The following DBX2 variants were observed in gnomAD, a reference collection of about 807,000 sequenced individuals.
DBX2 encodes the protein developing brain homeobox 2.
A neutral mutation model predicts 17.7 loss-of-function variants in DBX2; 16 were observed. The ratio of observed to expected loss-of-function variants is 0.90; its 90% confidence interval spans 0.61 to 1.37. DBX2 has a LOEUF of 1.37. DBX2 is among the 40% of genes most tolerant of loss of function. The pLI is 0.00. For missense variants in DBX2, 538 were observed against 433.8 expected (o/e 1.24, Z -2.13); for synonymous variants, 255 against 183.8 (o/e 1.39, Z -3.13).
At chr12:45,037,829 A>G (rs1363542546) in intron 1 of DBX2, among the ~76,000 whole-genome samples, 1 of 152,132 alleles carries the variant, frequency 6.6e-6, no homozygotes, top group African/African-American at 2.4e-5. Flanking sequence ...TTCCTAGCAC[A>G]CAATGGGAAG....
chr12:45,041,247 A>G (rs144040396), intron 1 of DBX2, among the ~76,000 whole-genome samples: 4 of 150,936 alleles, frequency 2.7e-5, no homozygotes, highest in African/African-American at 9.7e-5. Flanking sequence ...AATGACAGGG[A>G]AGTAAATAAT....
At chr12:45,018,230 A>C (rs527775514) in intron 3 of DBX2, among the ~76,000 whole-genome samples, 9 of 152,156 alleles carry the variant, frequency 5.9e-5, no homozygotes, top group Non-Finnish European at 1.2e-4. Context: ...TCACTGAGAC[A>C]GTTTTTTGTT....
At chr12:45,021,370 G>A (rs373469724) in intron 3 of DBX2, among the ~76,000 whole-genome samples, 16 of 152,268 alleles carry the variant, frequency 1.1e-4, no homozygotes, top group African/African-American at 3.6e-4. Context: ...TTAGGCAGGA[G>A]GAGAGATTGT....
chr12:45,050,747 C>A lies in DBX2; in HGVS notation c.181G>T (p.Asp61Tyr). ...GCGGTGGCCAGGGCGGTCGCCGGGT[C>A]GTGGGGCGCGGGCGGCTGCAGCCTG... ...TPRLQPPAPHDPATALATAGA... is the reference protein window; with the variant it reads ...TPRLQPPAPHYPATALATAGA... Residue 61 changes from aspartate (D) to tyrosine (Y), a missense_variant, in exon 1 of 4, where the codon GAC becomes TAC. Physicochemically the swap from Asp to Tyr is radical, Grantham distance 160. Transcript: ENST00000332700. The A allele has an allele frequency of 1.3e-6, 2 of 1,500,370 alleles. No homozygotes were observed. The highest frequency in any genetic ancestry group is 1.8e-6 in the Non-Finnish European group (2 of 1,125,962). The allele number at this position is 1,500,370 out of a possible 1,614,324, so 92.9% of individuals were successfully genotyped here. A position where few individuals can be genotyped will look rare whatever the true frequency, so the allele number is the denominator to read the frequency against.
chr12:45,023,581 T>C (rs969943554), intron 3 of DBX2, 126 bp downstream of exon 3: 9 of 1,097,936 alleles, frequency 8.2e-6, no homozygotes, highest in Middle Eastern at 3.1e-4. Context: ...GCTAAATAAA[T>C]GGATTCCATT....
intron 2 of DBX2, among the ~76,000 whole-genome samples, chr12:45,028,497 G>A (rs1565582388): frequency 6.6e-6 from 1 of 152,024 alleles, no homozygotes; most frequent in Non-Finnish European, 1.5e-5. Context: ...AAATAAAATA[G>A]CGGGGAAATA....
Position 45,014,796 on chromosome 12 carries a change from C to T in DBX2, c.*1490G>A, listed in dbSNP as rs1946314094. On this transcript the variant is annotated 3_prime_UTR_variant, in exon 4 of 4. Coordinates refer to ENST00000332700, the MANE Select transcript of DBX2 (RefSeq NM_001004329.3). ...AGTAAAAGATCATGTGGTAAAGACA[C>T]AGGTTGACATACCAAGTCCAATTCT... 4 of 152,156 alleles carry T rather than the reference C, an allele frequency of 2.6e-5. No individual in the cohort carries two copies. The highest frequency in any genetic ancestry group is 2.6e-4 in the Admixed American group (4 of 15,270). The allele number at this position is 152,156 out of a possible 1,614,324, so 9.4% of individuals were successfully genotyped here.
chr12:45,029,879 A>AAT (rs765850309), intron 2 of DBX2, among the ~76,000 whole-genome samples: 45 of 143,232 alleles, frequency 3.1e-4, no homozygotes, highest in Middle Eastern at 3.6e-3. Context: ...AAAAATAATA[A>AAT]AAATAAATAA....
At chr12:45,035,146 A>G (rs549037011) in intron 2 of DBX2, among the ~76,000 whole-genome samples, 39 of 152,378 alleles carry the variant, frequency 2.6e-4, no homozygotes, top group Non-Finnish European at 4.3e-4. Context: ...ACACATGCAC[A>G]GAGGCAGCAG....
At chr12:45,030,089 A>G (rs908249068) in intron 2 of DBX2, among the ~76,000 whole-genome samples, 3 of 151,902 alleles carry the variant, frequency 2.0e-5, no homozygotes, top group Middle Eastern at 3.2e-3. Context: ...TGTTCATGAT[A>G]TTGTTAAGGA....
At position 45,050,667 on chromosome 12, in the gene DBX2, G is replaced by A. The variant is rs1344795619; in HGVS notation, c.261C>T (p.Pro87=). ...CGGCGGGGCTAACTTGTTCGGCTGC[G>A]GGGCACAGCTTTAGGGGAACTGGGC... is the stretch of plus-strand genomic sequence containing the variant. ...PASPVPLKLC[P]AAEQVSPAGA... The change falls in exon 1 of 4, where the codon CCC becomes CCT. Residue 87 remains proline, a synonymous_variant. Coordinates refer to ENST00000332700, the MANE Select transcript of DBX2 (RefSeq NM_001004329.3). The A allele has an allele frequency of 1.9e-6, 3 of 1,548,828 alleles. No individual in the cohort carries two copies. Among genetic ancestry groups the A allele is most frequent in the Non-Finnish European group, 2.6e-6 (3 of 1,146,490 alleles).
At position 45,014,736 on chromosome 12, in the gene DBX2, T is replaced by C. The variant is rs1946313846; in HGVS notation, c.*1550A>G. On this transcript the variant is annotated 3_prime_UTR_variant, in exon 4 of 4. Transcript: ENST00000332700. ...AGATCCCTGCTCCCATTCCCCACAA[T>C]GAGGCACTGAGACACACTTCTAAAA... The C allele has an allele frequency of 6.6e-6, 1 of 152,178 alleles. No individual in the cohort carries two copies. Among genetic ancestry groups the C allele is most frequent in the African/African-American group, 2.4e-5 (1 of 41,454 alleles). The allele number at this position is 152,178 out of a possible 1,614,324, so 9.4% of individuals were successfully genotyped here.
intron 1 of DBX2, 83 bp downstream of exon 1, chr12:45,050,442 G>C (rs1422197770): frequency 4.7e-6 from 7 of 1,492,424 alleles, no homozygotes; most frequent in Non-Finnish European, 6.2e-6. Flanking sequence ...GGCGCAGTGC[G>C]CACCGCCGGC....
rs188861450 is a variant in DBX2 at position 45,049,519 on chromosome 12, T to A, written c.403+1006A>T. 1.7e-3 allele frequency among the ~76,000 whole-genome samples: 262 copies of A among 152,298 alleles called. 2 individuals are homozygous for A. The highest frequency in any genetic ancestry group is 6.2e-4 in the Non-Finnish European group (42 of 68,014). On this transcript the variant is annotated intron_variant, in intron 1 of 3. Transcript: ENST00000332700. ...AAGACCAAGACAGGTTCTAAACATG[T>A]TAAATTCTATAAAGCCATTAGCAAT...
At chr12:45,026,421 T>C (rs960437224) in intron 2 of DBX2, among the ~76,000 whole-genome samples, 5 of 152,234 alleles carry the variant, frequency 3.3e-5, no homozygotes, top group African/African-American at 1.2e-4. Flanking sequence ...ACATTGAATC[T>C]ATGGCATGAA....
chr12:45,028,647 C>T (rs1946393916), intron 2 of DBX2, among the ~76,000 whole-genome samples: 1 of 152,108 alleles, frequency 6.6e-6, no homozygotes, highest in Non-Finnish European at 1.5e-5. Context: ...TATACATTAA[C>T]ATTTGGGGCA....
chr12:45,036,576 T>A (rs1592756435), intron 1 of DBX2, among the ~76,000 whole-genome samples: 1 of 152,200 alleles, frequency 6.6e-6, no homozygotes, highest in East Asian at 1.9e-4. Flanking sequence ...TATATTTAAA[T>A]AGACTCATAC....
rs1216477899 is a variant in DBX2 at position 45,050,814 on chromosome 12, G to A, written c.114C>T (p.Phe38=). Residue 38 remains phenylalanine, a synonymous_variant, in exon 1 of 4, where the codon TTC becomes TTT. Coordinates refer to ENST00000332700, the MANE Select transcript of DBX2 (RefSeq NM_001004329.3). ...CGACCCGCAGCAAATTCTCGATCAG[G>A]AAACTCTTGCCCAGGTTGCCAAAGC... The part of the protein sequence containing the change: ...APGFGNLGKS[F]LIENLLRVGG... 19 of 1,538,664 alleles carry A rather than the reference G, an allele frequency of 1.2e-5. No individual in the cohort carries two copies. Among genetic ancestry groups the A allele is most frequent in the East Asian group, 2.6e-5 (1 of 38,802 alleles).
intron 2 of DBX2, among the ~76,000 whole-genome samples, chr12:45,033,582 C>A (rs1026648815): frequency 6.6e-6 from 1 of 152,066 alleles, no homozygotes; most frequent in Non-Finnish European, 1.5e-5. Flanking sequence ...TTATTGACAG[C>A]TTAATTCTAC....
Sources: gnomAD v4.1 joint callset for allele counts (sites outside exome capture counted in the v4.1 genomes callset) on GRCh38, gnomAD v4.1.1 for gene constraint, MANE v1.5 for transcripts, NCBI Gene and HGNC (gene_info 2026-07-23, HGNC 2026-07-21) for gene names.